Variants in DENND6A observed in about 807,000 individuals in gnomAD.
DENND6A encodes the protein protein DENND6A.
A neutral mutation model predicts 95.5 loss-of-function variants in DENND6A; 43 were observed. The ratio of observed to expected loss-of-function variants is 0.45; its 90% confidence interval spans 0.35 to 0.58. The LOEUF is 0.58. Among genes scored for constraint, DENND6A ranks in the 20% least tolerant of loss-of-function variants. The pLI is 0.00. For synonymous variants in DENND6A, 257 were observed against 260.4 expected (o/e 0.99, Z 0.13); for missense variants, 574 against 736.0 (o/e 0.78, Z 2.55).
chr3:57,657,832 T>G, intron 8 of DENND6A, 97 bp from the exon 9 acceptor site: 1 of 697,926 alleles, frequency 1.4e-6, no homozygotes. Flanking sequence ...CATGCTGCCC[T>G]GTCTAACTTT....
chr3:57,630,386 T>A, intron 18 of DENND6A, 35 bp downstream of exon 18: 1 of 1,513,740 alleles, frequency 6.6e-7, no homozygotes, highest in Non-Finnish European at 8.9e-7. Flanking sequence ...TTTTCAACAG[T>A]TGTTAATCAT....
chr3:57,635,575 G>C (rs371046366), intron 12 of DENND6A, among the ~76,000 whole-genome samples: 2 of 152,186 alleles, frequency 1.3e-5, no homozygotes, highest in South Asian at 2.1e-4. Flanking sequence ...TTATTATAGA[G>C]ATTATAATAT....
chr3:57,689,189 G>A (rs1287294770), intron 1 of DENND6A, among the ~76,000 whole-genome samples: 1 of 151,918 alleles, frequency 6.6e-6, no homozygotes, highest in Admixed American at 6.6e-5. Context: ...TCTTGACCTC[G>A]TGATCTGCCC....
intron 15 of DENND6A, 60 bp downstream of exon 15, chr3:57,633,205 A>G (rs1298685430): frequency 7.1e-7 from 1 of 1,409,956 alleles, no homozygotes; most frequent in African/African-American, 1.4e-5. Flanking sequence ...GGGCGGGAAA[A>G]ACATTTATAT....
Position 57,628,813 on chromosome 3 carries a change from G to A in DENND6A, c.1693C>T (p.Leu565=), listed in dbSNP as rs771550811. Residue 565 remains leucine, a splice_region_variant and synonymous_variant, in exon 19 of 20, where the codon CTG becomes TTG. Coordinates refer to ENST00000311128, the MANE Select transcript of DENND6A (RefSeq NM_152678.3). ...VDLVLKLKNK[L]LQADREHLPV... is the part of the protein sequence containing the mutation. ...CTTTGGCTGTTTTGGCTACATACCA[G>A]CTTATTTTTCAGCTTCAAGACAAGG... 6.2e-7 allele frequency: 1 copy of A among 1,610,852 alleles called. No individual in the cohort carries two copies. Among genetic ancestry groups the A allele is most frequent in the Non-Finnish European group, 8.5e-7 (1 of 1,179,258 alleles).
chr3:57,688,603 C>T (rs116027389), intron 1 of DENND6A, among the ~76,000 whole-genome samples: 1,725 of 151,668 alleles, frequency 0.011, 37 homozygotes, highest in African/African-American at 0.039. Flanking sequence ...AGCAGAGTAA[C>T]GGGGGAGCAG....
chr3:57,634,770 C>A lies in DENND6A; in HGVS notation c.1133-1G>T. ...ACTTTAACCTGCTTAGGAATTTCAC[C>A]TGAAGGAAGCAGCATAAAGATTTTT... On this transcript the variant is annotated splice_acceptor_variant, in intron 12 of 19. Transcript: ENST00000311128. LOFTEE classifies it high-confidence loss of function. The A allele has an allele frequency of 6.4e-7, 1 of 1,554,006 alleles. No individual in the cohort carries two copies.
chr3:57,647,811 G>C (rs1483377404), intron 9 of DENND6A, among the ~76,000 whole-genome samples: 1 of 150,576 alleles, frequency 6.6e-6, no homozygotes, highest in East Asian at 2.0e-4. Flanking sequence ...ATGTGGTCTA[G>C]TGGGACAGAG....
intron 3 of DENND6A, among the ~76,000 whole-genome samples, chr3:57,670,593 G>GTA (rs2071599445): frequency 6.6e-6 from 1 of 152,226 alleles, no homozygotes; most frequent in Non-Finnish European, 1.5e-5. Context: ...AAAAGGAAAT[G>GTA]TATGTCCTGC....
At chr3:57,674,997 A>C (rs1178277672) in intron 1 of DENND6A, among the ~76,000 whole-genome samples, 1 of 152,180 alleles carries the variant, frequency 6.6e-6, no homozygotes, top group African/African-American at 2.4e-5. Flanking sequence ...GGGAGGAGGG[A>C]GAGGAGCAGA....
Position 57,668,942 on chromosome 3 carries a change from G to A in DENND6A, c.320-2707C>T, listed in dbSNP as rs746270947. On this transcript the variant is annotated intron_variant, in intron 3 of 19. Transcript: ENST00000311128. ...GCCTGGAGTGCAGTGGCACAATCTC[G>A]GCTCACTGCAACCTCAGCATCCCTG... is the stretch of plus-strand genomic sequence containing the variant. Among the ~76,000 whole-genome samples the A allele has an allele frequency of 2.6e-5, 4 of 152,016 alleles. No individual in the cohort carries two copies. The East Asian group carries it at 5.8e-4, about 22-fold the overall frequency.
intron 9 of DENND6A, among the ~76,000 whole-genome samples, chr3:57,647,637 C>A (rs945793779): frequency 6.6e-6 from 1 of 152,052 alleles, no homozygotes; most frequent in Admixed American, 6.6e-5. Context: ...CAATGTGGGA[C>A]CACCTGGCAT....
Position 57,628,218 on chromosome 3 carries a change from G to A in DENND6A, c.1823C>T (p.Thr608Ile), listed in dbSNP as rs1395893399. Residue 608 changes from threonine to isoleucine, a missense_variant, in exon 20 of 20, where the codon ACA becomes ATA. Around this residue, in one of 2 missense-constraint regions of DENND6A, gnomAD observed 452 missense variants for 630.9 expected, o/e 0.72. Coordinates refer to ENST00000311128, the MANE Select transcript of DENND6A (RefSeq NM_152678.3). Reference sequence around the variant, plus strand: ...GCTGGAAAATCTTGGCAAATATCATGTCATGCCCGTTTTGAGCAGTATGCC... The same window carrying A: ...GCTGGAAAATCTTGGCAAATATCATATCATGCCCGTTTTGAGCAGTATGCC... Reference protein sequence around the residue: ...LQGILLKTGMT With the variant: ...LQGILLKTGMI 1.9e-6 allele frequency: 3 copies of A among 1,612,024 alleles called. No individual in the cohort carries two copies. In the African/African-American group the frequency reaches 4.0e-5, roughly 22 times the overall value.
At position 57,657,881 on chromosome 3, in the gene DENND6A, G is replaced by A. The variant is rs1249297524; in HGVS notation, c.763-146C>T. ...CTTTAGGAACAGCCAGAGAGGGAAT[G>A]GGTCTTACCAATATTCCCTAATATA... On this transcript the variant is annotated intron_variant, in intron 8 of 19. Transcript: ENST00000311128. 1.3e-5 allele frequency: 7 copies of A among 535,474 alleles called. No homozygotes were observed. The Admixed American group carries it at 2.5e-4, about 19-fold the overall frequency. The allele number at this position is 535,474 out of a possible 1,614,324, so 33.2% of individuals were successfully genotyped here.
At chr3:57,661,953 C>A (rs1482592861) in intron 5 of DENND6A, among the ~76,000 whole-genome samples, 1 of 152,024 alleles carries the variant, frequency 6.6e-6, no homozygotes, top group Non-Finnish European at 1.5e-5. Flanking sequence ...TACAGTTCAA[C>A]TGTCATAGCC....
intron 6 of DENND6A, 132 bp from the exon 7 acceptor site, chr3:57,660,971 G>T (rs2071413073): frequency 1.3e-6 from 1 of 752,960 alleles, no homozygotes; most frequent in Non-Finnish European, 2.0e-6. Context: ...GAGATAAAAG[G>T]CAAAAGAAAA....
intron 1 of DENND6A, among the ~76,000 whole-genome samples, chr3:57,674,101 G>A (rs939262288): frequency 6.6e-5 from 10 of 152,010 alleles, no homozygotes; most frequent in Admixed American, 4.6e-4. Flanking sequence ...CTGGGAAGCC[G>A]GCCGGGTGCA....
chr3:57,680,507 C>A (rs565406731), intron 1 of DENND6A, among the ~76,000 whole-genome samples: 2 of 152,232 alleles, frequency 1.3e-5, no homozygotes, highest in Admixed American at 1.3e-4. Context: ...AGAAAGAGTA[C>A]CCTCACCAAA....
Position 57,660,753 on chromosome 3 carries a change from A to T in DENND6A, c.699+7T>A, listed in dbSNP as rs372428819. 5 of 1,599,766 alleles carry T rather than the reference A, an allele frequency of 3.1e-6. No homozygotes were observed. Among genetic ancestry groups the T allele is most frequent in the African/African-American group, 2.7e-5 (2 of 73,912 alleles). ...AAAAAGGAGACAATTGAGATATAAG[A>T]TATTACCTTCATTACCACCCCCATG... On this transcript the variant is annotated splice_region_variant and intron_variant, in intron 7 of 19. Coordinates refer to ENST00000311128, the MANE Select transcript of DENND6A (RefSeq NM_152678.3).
Sources: allele counts gnomAD v4.1 joint callset (sites outside exome capture counted in the v4.1 genomes callset), GRCh38; gene constraint gnomAD v4.1.1; regional missense constraint gnomAD v4.1.1; transcripts MANE v1.5; gene names NCBI Gene and HGNC (gene_info 2026-07-23, HGNC 2026-07-21).